ZCCHC10: variants seen among roughly 807,000 people sequenced by gnomAD.
The protein encoded by ZCCHC10 is zinc finger CCHC-type containing 10.
ZCCHC10 carries 16 observed loss-of-function variants against 19.5 expected under a neutral mutation model. That is an observed-to-expected ratio of 0.82 (90% CI 0.56 to 1.25). The LOEUF is 1.25. Ranked by LOEUF, ZCCHC10 falls within the 50% of genes most tolerant of loss-of-function variation. ZCCHC10 has a pLI of 0.00. For synonymous variants in ZCCHC10, 67 were observed against 72.5 expected (o/e 0.92, Z 0.38); for missense variants, 197 against 201.0 (o/e 0.98, Z 0.12).
intron 2 of ZCCHC10, among the ~76,000 whole-genome samples, chr5:133,015,077 GTTT>G (rs35057432): frequency 7.8e-6 from 1 of 128,780 alleles, no homozygotes. Context: ...CCACTGTGAG[GTTT>G]TTTTTTTTTT....
chr5:133,022,401 G>A (rs1015127382), intron 2 of ZCCHC10, among the ~76,000 whole-genome samples: 1 of 151,474 alleles, frequency 6.6e-6, no homozygotes, highest in African/African-American at 2.4e-5. Flanking sequence ...GTTATGTGGT[G>A]CATGACAATA....
chr5:133,018,004 G>C (rs896718710), intron 2 of ZCCHC10, among the ~76,000 whole-genome samples: 1 of 152,038 alleles, frequency 6.6e-6, no homozygotes, highest in Non-Finnish European at 1.5e-5. Context: ...AATTAGCTGG[G>C]TGTTGTGGCA....
intron 2 of ZCCHC10, among the ~76,000 whole-genome samples, chr5:133,013,810 G>A (rs186615014): frequency 1.5e-3 from 231 of 149,720 alleles, no homozygotes; most frequent in African/African-American, 5.2e-3. Context: ...AAAAAAAAAA[G>A]CCTCAAAAAC....
Position 133,005,596 on chromosome 5 carries a change from ACT to A in ZCCHC10, c.269+1161_269+1162del, listed in dbSNP as rs1763069497. Among the ~76,000 whole-genome samples the A allele has an allele frequency of 3.3e-5, 5 of 152,120 alleles. 1 individual carries two copies. Among genetic ancestry groups the A allele is most frequent in the Admixed American group, 3.3e-4 (5 of 15,240 alleles). On this transcript the variant is annotated intron_variant, in intron 3 of 4. Coordinates refer to ENST00000509437, the MANE Select transcript of ZCCHC10 (RefSeq NM_001300816.3). ...ACTCCAGATTGGATGACACAGTGAGACTCTGTCTCAAAACAAACAAACAAAAC... is the reference window on the plus strand; with the variant it reads ...ACTCCAGATTGGATGACACAGTGAGACTGTCTCAAAACAAACAAACAAAAC...
At chr5:133,023,633 G>A (rs967880244) in intron 1 of ZCCHC10, among the ~76,000 whole-genome samples, 1 of 151,722 alleles carries the variant, frequency 6.6e-6, no homozygotes, top group African/African-American at 2.4e-5. Flanking sequence ...AATTAGCCAG[G>A]CGGGTAGCAC....
Position 133,016,905 on chromosome 5 carries a change from AC to A in ZCCHC10, c.107+5935del, listed in dbSNP as rs145283912. On this transcript the variant is annotated intron_variant, in intron 2 of 4. Transcript: ENST00000509437. The stretch of plus-strand genomic sequence containing the variant: ...TAACTTCACTTGGAATCTGCCCTGC[AC>A]CCCCACCCACGACTCCCATTGCCAG... Among the ~76,000 whole-genome samples the A allele has an allele frequency of 4.2e-3, 581 of 138,870 alleles. 4 individuals carry two copies. Among genetic ancestry groups the A allele is most frequent in the African/African-American group, 0.015 (565 of 36,912 alleles). 91.1% of individuals were successfully genotyped at this position (138,870 alleles called of 152,430 possible). A position where few individuals can be genotyped will look rare whatever the true frequency, so the allele number is the denominator to read the frequency against.
intron 3 of ZCCHC10, among the ~76,000 whole-genome samples, chr5:133,000,379 A>G (rs1355430304): frequency 6.6e-6 from 1 of 152,240 alleles, no homozygotes; most frequent in African/African-American, 2.4e-5. Context: ...CAACTTAACC[A>G]GCATTTAAGC....
chr5:133,022,803 T>C, intron 2 of ZCCHC10, 38 bp downstream of exon 2: 2 of 516,652 alleles, frequency 3.9e-6, no homozygotes, highest in Non-Finnish European at 6.8e-6. Flanking sequence ...TGTACATATT[T>C]ATCAAACCTG....
rs1215720212 is a variant in ZCCHC10, at chr5:133,025,517, A to AG, written c.41+979_41+980insC. Among the ~76,000 whole-genome samples, 6 of 143,728 alleles carry AG rather than the reference A, an allele frequency of 4.2e-5. 1 individual carries two copies. Among genetic ancestry groups the AG allele is most frequent in the Non-Finnish European group, 5.9e-5 (4 of 67,336 alleles). The allele number at this position is 143,728 out of a possible 152,430, so 94.3% of individuals were successfully genotyped here. On this transcript the variant is annotated intron_variant, in intron 1 of 4. Transcript: ENST00000509437. ...AGACTCCGCCTCAAAAAAAAAAAAAAAAAAAAAAAAAAAAAAGAAAGGGGC... is the reference window on the plus strand; with the variant it reads ...AGACTCCGCCTCAAAAAAAAAAAAAAGAAAAAAAAAAAAAAAAGAAAGGGGC...
At chr5:133,000,088 A>T in intron 4 of ZCCHC10, 44 bp downstream of exon 4, 1 of 1,586,624 alleles carries the variant, frequency 6.3e-7, no homozygotes, top group Non-Finnish European at 8.6e-7. Context: ...CCCGCCAATT[A>T]GTATTACATG....
rs958579308 is a variant in ZCCHC10 at position 132,998,368 on chromosome 5, A to G, written c.*215T>C. 6 of 468,192 alleles carry G rather than the reference A, an allele frequency of 1.3e-5. No homozygotes were observed. Among genetic ancestry groups the G allele is most frequent in the African/African-American group, 1.2e-4 (6 of 51,050 alleles). The allele number at this position is 468,192 out of a possible 1,614,324, so 29.0% of individuals were successfully genotyped here. On this transcript the variant is annotated 3_prime_UTR_variant, in exon 5 of 5. Transcript: ENST00000509437. ...TTTAAGTTCTAGAGATATATTTTAA[A>G]GATAAAAAAAACAAGATTCACCCTT...
At chr5:133,006,631 A>G in intron 3 of ZCCHC10, 128 bp downstream of exon 3, 3 of 894,960 alleles carry the variant, frequency 3.4e-6, no homozygotes, top group Non-Finnish European at 4.8e-6. Flanking sequence ...GGCACACAGT[A>G]AGCATCTATT....
chr5:132,999,669 A>G (rs1762639382), intron 4 of ZCCHC10, among the ~76,000 whole-genome samples: 1 of 150,798 alleles, frequency 6.6e-6, no homozygotes, highest in South Asian at 2.1e-4. Context: ...ATTTCCAGAC[A>G]GGTTAAAAAA....
chr5:133,015,003 A>C (rs1270990692), intron 2 of ZCCHC10, among the ~76,000 whole-genome samples: 1 of 151,066 alleles, frequency 6.6e-6, no homozygotes, highest in African/African-American at 2.4e-5. Context: ...TAAGATTTCA[A>C]TTTGTTTTAT....
intron 1 of ZCCHC10, 117 bp downstream of exon 1, chr5:133,026,380 G>T: frequency 7.1e-7 from 1 of 1,415,484 alleles, no homozygotes; most frequent in Non-Finnish European, 9.8e-7. Context: ...GGAGCCAGAA[G>T]AGTGTTTGAG....
At chr5:133,003,718 A>G (rs183310710) in intron 3 of ZCCHC10, among the ~76,000 whole-genome samples, 58 of 152,136 alleles carry the variant, frequency 3.8e-4, no homozygotes, top group Middle Eastern at 3.4e-3. Flanking sequence ...GTATATATAT[A>G]TATTTTTGGC....
chr5:133,003,804 G>A (rs1186665206), intron 3 of ZCCHC10, among the ~76,000 whole-genome samples: 3 of 152,196 alleles, frequency 2.0e-5, no homozygotes, highest in Non-Finnish European at 4.4e-5. Flanking sequence ...TCTGCCTCCT[G>A]GGTTCAAGTG....
At chr5:133,023,487 C>T (rs1195905260) in intron 1 of ZCCHC10, among the ~76,000 whole-genome samples, 1 of 132,554 alleles carries the variant, frequency 7.5e-6, no homozygotes, top group Non-Finnish European at 1.6e-5. Context: ...TTTTAAAGAA[C>T]GATAAAGCCA....
chr5:133,000,588 A>G (rs1762703793), intron 3 of ZCCHC10, among the ~76,000 whole-genome samples: 1 of 152,152 alleles, frequency 6.6e-6, no homozygotes, highest in Admixed American at 6.6e-5. Flanking sequence ...TAATTTTTCA[A>G]AAGCAGCCCT....
Sources: allele counts gnomAD v4.1 joint callset (sites outside exome capture counted in the v4.1 genomes callset), GRCh38; gene constraint gnomAD v4.1.1; transcripts MANE v1.5; gene names NCBI Gene and HGNC (gene_info 2026-07-23, HGNC 2026-07-21).